The following MAF variants were observed in gnomAD, a reference collection of about 807,000 sequenced individuals.
MAF encodes the protein MAF bZIP transcription factor.
A neutral mutation model predicts 22.0 loss-of-function variants in MAF; 10 were observed. The observed-to-expected ratio is 0.45, with a 90% CI of 0.28 to 0.77. The LOEUF is 0.77. Ranked by LOEUF, MAF falls within the 30% of genes least tolerant of loss-of-function variation. MAF has a pLI of 0.12. For synonymous variants in MAF, 337 were observed against 255.8 expected (o/e 1.32, Z -3.03); for missense variants, 544 against 548.4 (o/e 0.99, Z 0.08).
At chr16:79,451,159 T>C in the MAF span, among the ~76,000 whole-genome samples, 2 of 152,214 alleles carry the variant, frequency 1.3e-5, no homozygotes, top group Non-Finnish European at 2.9e-5. Context: ...ACCCACCACC[T>C]TCAGTTTGCA....
At chr16:79,529,930 C>A in the MAF span, among the ~76,000 whole-genome samples, 1 of 150,440 alleles carries the variant, frequency 6.6e-6, no homozygotes, top group East Asian at 2.0e-4. Flanking sequence ...TACTGTGCTC[C>A]AGCCTGGGCA....
the MAF span, among the ~76,000 whole-genome samples, chr16:79,529,346 G>C: frequency 6.6e-6 from 1 of 152,114 alleles, no homozygotes; most frequent in Non-Finnish European, 1.5e-5. Context: ...TAGCTATTCA[G>C]AGTTTCAGTA....
chr16:79,338,330 G>A, the MAF span, among the ~76,000 whole-genome samples: 1 of 152,160 alleles, frequency 6.6e-6, no homozygotes, highest in African/African-American at 2.4e-5. Flanking sequence ...CACAGAGTGA[G>A]ATCTCTACCT....
the MAF span, among the ~76,000 whole-genome samples, chr16:79,266,338 G>C: frequency 3.9e-5 from 6 of 152,274 alleles, no homozygotes; most frequent in Admixed American, 3.9e-4. Flanking sequence ...ACCCTGGAAA[G>C]GAAAACCATG....
the MAF span, among the ~76,000 whole-genome samples, chr16:79,346,089 A>C: frequency 6.6e-6 from 1 of 151,906 alleles, no homozygotes; most frequent in African/African-American, 2.4e-5. Context: ...CAGGTTTGTT[A>C]CATATGTATA....
the MAF span, among the ~76,000 whole-genome samples, chr16:79,508,745 A>G: frequency 6.6e-6 from 1 of 152,216 alleles, no homozygotes; most frequent in Non-Finnish European, 1.5e-5. Flanking sequence ...CATTATGGTA[A>G]TTGAAAGAAG....
the MAF span, among the ~76,000 whole-genome samples, chr16:79,234,266 A>G: frequency 2.6e-5 from 4 of 152,074 alleles, no homozygotes; most frequent in African/African-American, 9.7e-5. Flanking sequence ...AGACCATACT[A>G]TTAATTTTAT....
chr16:79,283,516 C>T, the MAF span, among the ~76,000 whole-genome samples: 2 of 152,232 alleles, frequency 1.3e-5, no homozygotes, highest in South Asian at 4.1e-4. Flanking sequence ...CTTTAGGTCA[C>T]CTATATGCTT....
chr16:79,307,200 C>T, the MAF span, among the ~76,000 whole-genome samples: 68 of 152,336 alleles, frequency 4.5e-4, no homozygotes, highest in Middle Eastern at 6.8e-3. Context: ...GTGACTGAGG[C>T]TTGGGTGGCT....
At chr16:79,384,798 G>A in the MAF span, among the ~76,000 whole-genome samples, 4 of 152,140 alleles carry the variant, frequency 2.6e-5, no homozygotes, top group Non-Finnish European at 5.9e-5. Flanking sequence ...GGGGGAGCAT[G>A]CTCACTTTGG....
the MAF span, among the ~76,000 whole-genome samples, chr16:79,358,140 C>A: frequency 6.6e-6 from 1 of 152,180 alleles, no homozygotes; most frequent in Non-Finnish European, 1.5e-5. Flanking sequence ...GGCAGCAGGG[C>A]CAGGAATTTT....
chr16:79,542,373 G>A, the MAF span, among the ~76,000 whole-genome samples: 1 of 152,180 alleles, frequency 6.6e-6, no homozygotes, highest in African/African-American at 2.4e-5. Flanking sequence ...CATGCCACGT[G>A]GTGAGTAAGT....
the MAF span, among the ~76,000 whole-genome samples, chr16:79,563,171 G>A: frequency 6.6e-6 from 1 of 152,152 alleles, no homozygotes; most frequent in African/African-American, 2.4e-5. Flanking sequence ...AGACACCAAA[G>A]CTAAACCTCA....
At chr16:79,206,587 G>C in the MAF span, 1 of 152,206 alleles carries the variant, frequency 6.6e-6, no homozygotes, top group Admixed American at 6.5e-5. Context: ...GATGTCACTT[G>C]AATAGTACTC....
At chr16:79,555,760 A>G in the MAF span, among the ~76,000 whole-genome samples, 1 of 152,234 alleles carries the variant, frequency 6.6e-6, no homozygotes. Flanking sequence ...TAAATCCAAG[A>G]CACTTCTGAT....
At chr16:79,262,624 G>C in the MAF span, among the ~76,000 whole-genome samples, 2 of 152,096 alleles carry the variant, frequency 1.3e-5, no homozygotes, top group Non-Finnish European at 2.9e-5. Context: ...AGGGGTGGAC[G>C]TGCCCAGAGG....
At chr16:79,568,278 T>A in the MAF span, among the ~76,000 whole-genome samples, 4 of 152,186 alleles carry the variant, frequency 2.6e-5, no homozygotes, top group South Asian at 8.3e-4. Context: ...CCCCTAATGG[T>A]CCCTGGTGTC....
the MAF span, among the ~76,000 whole-genome samples, chr16:79,504,945 G>A: frequency 5.9e-5 from 9 of 152,132 alleles, no homozygotes; most frequent in Admixed American, 2.6e-4. Context: ...TTTCTCAGGG[G>A]TGTCCAATTC....
chr16:79,398,930 T>C, the MAF span, among the ~76,000 whole-genome samples: 2 of 152,196 alleles, frequency 1.3e-5, no homozygotes, highest in Non-Finnish European at 2.9e-5. Flanking sequence ...ACACATGCCT[T>C]GCTCCATTCT....
Sources: allele counts gnomAD v4.1 joint callset (sites outside exome capture counted in the v4.1 genomes callset), GRCh38; gene constraint gnomAD v4.1.1; transcripts MANE v1.5; gene names NCBI Gene and HGNC (gene_info 2026-07-23, HGNC 2026-07-21).